Variants in LINS1 observed in about 807,000 individuals in gnomAD.
The protein encoded by LINS1 is protein Lines homolog 1.
Under a neutral mutation model 41.6 loss-of-function variants are expected in LINS1, and 27 were observed. The ratio of observed to expected loss-of-function variants is 0.65; its 90% CI spans 0.48 to 0.89. LINS1 has a LOEUF of 0.89. Among genes scored for constraint, LINS1 ranks in the 40% least tolerant of loss-of-function variants. The probability of loss-of-function intolerance (pLI) is 0.00; values close to 1 mark genes in which losing one functional copy is unlikely to be tolerated. For synonymous variants in LINS1, 336 were observed against 312.9 expected (o/e 1.07, Z -0.78); for missense variants, 955 against 884.1 (o/e 1.08, Z -1.02).
intron 5 of LINS1, chr15:100,572,503 T>A: frequency 9.5e-7 from 1 of 1,050,670 alleles, no homozygotes; most frequent in Non-Finnish European, 1.2e-6. Flanking sequence ...GTTTAAAGCA[T>A]AGAAGTACTA....
chr15:100,573,723 C>G lies in LINS1; in HGVS notation c.1150G>C (p.Ala384Pro), dbSNP rs751004318. The G allele has an allele frequency of 6.2e-7, 1 of 1,613,542 alleles. No individual in the cohort carries two copies. Among genetic ancestry groups the G allele is most frequent in the African/African-American group, 1.3e-5 (1 of 74,910 alleles). The change falls in exon 5 of 7, where the codon GCA (alanine) becomes CCA (proline). Residue 384 changes from alanine (A) to proline (P), a missense_variant. By Grantham distance (27) the Ala-to-Pro change is conservative. Coordinates refer to ENST00000314742, the MANE Select transcript of LINS1 (RefSeq NM_001040616.3). ...ITSPDHVILR[A>P]ASLVIMKSLE... is the part of the protein sequence containing the mutation. ...GATTTCATTATAACTAAGCTTGCTG[C>G]TCTAAGGATCACATGATCTGGACTA... is the stretch of plus-strand genomic sequence containing the variant.
intron 3 of LINS1, among the ~76,000 whole-genome samples, chr15:100,575,854 C>A (rs2038142910): frequency 6.6e-6 from 1 of 152,198 alleles, no homozygotes; most frequent in Admixed American, 6.5e-5. Flanking sequence ...CAAACTAGAA[C>A]TCAGGATTAA....
chr15:100,569,497 T>G lies in LINS1; in HGVS notation c.2015A>C (p.Glu672Ala). 6.2e-7 allele frequency: 1 copy of G among 1,614,212 alleles called. No individual in the cohort carries two copies. Among genetic ancestry groups the G allele is most frequent in the Non-Finnish European group, 8.5e-7 (1 of 1,180,046 alleles). The change falls in exon 7 of 7, where the codon GAA becomes GCA. Residue 672 changes from glutamate to alanine, a missense_variant. Transcript: ENST00000314742. ...CCTTGATGGAGGCTCAAGGCTAAAT[T>G]CTTTTTTATCCCTGCTTGTCCCAGC... is the stretch of plus-strand genomic sequence containing the variant. Reference protein sequence around the residue: ...DAAGTSRDKKEFSLEPPSRPL... With the variant: ...DAAGTSRDKKAFSLEPPSRPL...
At chr15:100,599,874 T>C (rs2039404943) in intron 1 of LINS1, among the ~76,000 whole-genome samples, 1 of 152,130 alleles carries the variant, frequency 6.6e-6, no homozygotes, top group African/African-American at 2.4e-5. Flanking sequence ...GAGACCAGCC[T>C]GGCCAACGTG....
chr15:100,600,872 C>A (rs2039461473), intron 1 of LINS1, among the ~76,000 whole-genome samples: 1 of 152,154 alleles, frequency 6.6e-6, no homozygotes, highest in South Asian at 2.1e-4. Context: ...AAAAACCAAT[C>A]CACTTTCCTT....
intron 1 of LINS1, among the ~76,000 whole-genome samples, chr15:100,583,968 T>A (rs2038684798): frequency 6.6e-6 from 1 of 152,124 alleles, no homozygotes; most frequent in Admixed American, 6.6e-5. Flanking sequence ...CATGTTCAAC[T>A]CTTTCAGTAA....
intron 1 of LINS1, among the ~76,000 whole-genome samples, chr15:100,592,513 C>T (rs1189818932): frequency 6.6e-6 from 1 of 151,982 alleles, no homozygotes; most frequent in Non-Finnish European, 1.5e-5. Flanking sequence ...GTGAGCACTC[C>T]ATCCTGTAGC....
At chr15:100,578,414 A>G (rs1433555391) in intron 3 of LINS1, among the ~76,000 whole-genome samples, 16 of 152,080 alleles carry the variant, frequency 1.1e-4, no homozygotes, top group Admixed American at 1.0e-3. Flanking sequence ...GCCAACAGAC[A>G]CATGAAAAAA....
chr15:100,575,057 T>C lies in LINS1; in HGVS notation c.561A>G (p.Ala187=). The C allele has an allele frequency of 6.2e-7, 1 of 1,612,752 alleles. No homozygotes were observed. The highest frequency in any genetic ancestry group is 8.5e-7 in the Non-Finnish European group (1 of 1,179,272). ...NLSEYSESNK[A]IYCLWTLTAI... The stretch of plus-strand genomic sequence containing the variant: ...CTGTAAGAGTCCAGAGGCAGTATAT[T>C]GCTTTATTACTCTCAGAGTATTCAG... Residue 187 remains alanine, a synonymous_variant, in exon 4 of 7, where the codon GCA becomes GCG. Transcript: ENST00000314742.
chr15:100,581,817 G>C (rs1016797172), intron 1 of LINS1, among the ~76,000 whole-genome samples: 2 of 152,202 alleles, frequency 1.3e-5, no homozygotes, highest in East Asian at 1.9e-4. Context: ...GGAAAAATCA[G>C]TTTTGCTTCC....
chr15:100,575,229 G>C, intron 3 of LINS1, 101 bp from the exon 4 acceptor site: 1 of 1,023,622 alleles, frequency 9.8e-7, no homozygotes, highest in Non-Finnish European at 1.5e-6. Flanking sequence ...AAAGAAGTAT[G>C]ATAATATGTG....
In LINS1 at chr15:100,568,286, G is replaced by A. The variant is rs1310243890; in HGVS notation, c.*952C>T. Reference sequence around the variant, plus strand: ...CAGAAGGAAATAGTAACTGTATTTGGTTAGTGACTCTCCTGGATTCAAGTC... The same window carrying A: ...CAGAAGGAAATAGTAACTGTATTTGATTAGTGACTCTCCTGGATTCAAGTC... On this transcript the variant is annotated 3_prime_UTR_variant, in exon 7 of 7. Transcript: ENST00000314742. The A allele has an allele frequency of 2.0e-5, 3 of 152,260 alleles. No homozygotes were observed. The highest frequency in any genetic ancestry group is 4.1e-4 in the South Asian group (2 of 4,820). 9.4% of individuals were successfully genotyped at this position (152,260 alleles called of 1,614,324 possible). A position where few individuals can be genotyped will look rare whatever the true frequency, so the allele number is the denominator to read the frequency against.
intron 1 of LINS1, among the ~76,000 whole-genome samples, chr15:100,589,404 G>A (rs866558147): frequency 7.2e-5 from 11 of 152,130 alleles, no homozygotes; most frequent in South Asian, 4.1e-4. Context: ...TACATATTTT[G>A]AATGAACTCC....
chr15:100,570,063 G>A lies in LINS1; in HGVS notation c.1449C>T (p.His483=). 1 of 1,575,994 alleles carries A rather than the reference G, an allele frequency of 6.3e-7. No homozygotes were observed. The highest frequency in any genetic ancestry group is 8.5e-7 in the Non-Finnish European group (1 of 1,169,628). The change falls in exon 7 of 7, where the codon CAC becomes CAT. Residue 483 remains histidine, a synonymous_variant. Coordinates refer to ENST00000314742, the MANE Select transcript of LINS1 (RefSeq NM_001040616.3). ...LTQGKEMWDH[H]THENGYNPHC... ...GAGGATTATAGCCATTTTCATGTGTGTGATGGTCCCACATTTCTTTTCCCT... is the reference window on the plus strand; with the variant it reads ...GAGGATTATAGCCATTTTCATGTGTATGATGGTCCCACATTTCTTTTCCCT...
chr15:100,572,115 G>T (rs770529726), intron 5 of LINS1, 50 bp from the exon 6 acceptor site: 8 of 1,605,708 alleles, frequency 5.0e-6, no homozygotes, highest in Non-Finnish European at 6.8e-6. Context: ...ATGAATGAAT[G>T]AATATCTTGC....
At chr15:100,574,474 G>A (rs909207861) in intron 4 of LINS1, among the ~76,000 whole-genome samples, 4 of 152,342 alleles carry the variant, frequency 2.6e-5, no homozygotes, top group African/African-American at 4.8e-5. Flanking sequence ...TCGGGAGGCC[G>A]ATGCGGGTGG....
At chr15:100,589,304 C>T (rs1402835294) in intron 1 of LINS1, among the ~76,000 whole-genome samples, 2 of 152,198 alleles carry the variant, frequency 1.3e-5, no homozygotes, top group Non-Finnish European at 2.9e-5. Context: ...TATAAAGCTG[C>T]TAACCCAAGT....
In LINS1 at chr15:100,587,182, A is replaced by AG. The variant is rs1555434011; in HGVS notation, c.-103-6238_-103-6237insC. Among the ~76,000 whole-genome samples the AG allele has an allele frequency of 3.6e-4, 45 of 124,446 alleles. 6 individuals are homozygous for AG. The highest frequency in any genetic ancestry group is 7.9e-4 in the Admixed American group (9 of 11,458). The allele number at this position is 124,446 out of a possible 152,430, so 81.6% of individuals were successfully genotyped here. On this transcript the variant is annotated intron_variant, in intron 1 of 6. Transcript: ENST00000314742. ...TAAAAAAAAAAAAAAAAAAAAAAAA[A>AG]CATTAGCAGTTTGGCAATTCTTTAA...
rs184322056 is a variant in LINS1, at chr15:100,583,972, T to G, written c.-103-3027A>C. ...AATTACTATCACATGTTCAACTCTTTCAGTAAAAATTTCAGCAACAAATGG... is the reference window on the plus strand; with the variant it reads ...AATTACTATCACATGTTCAACTCTTGCAGTAAAAATTTCAGCAACAAATGG... On this transcript the variant is annotated intron_variant, in intron 1 of 6. Coordinates refer to ENST00000314742, the MANE Select transcript of LINS1 (RefSeq NM_001040616.3). Among the ~76,000 whole-genome samples the G allele has an allele frequency of 2.0e-3, 302 of 152,232 alleles. 1 individual carries two copies. Among genetic ancestry groups the G allele is most frequent in the African/African-American group, 6.9e-3 (285 of 41,528 alleles).
Sources: allele counts gnomAD v4.1 joint callset (sites outside exome capture counted in the v4.1 genomes callset), GRCh38; gene constraint gnomAD v4.1.1; transcripts MANE v1.5; gene names NCBI Gene and HGNC (gene_info 2026-07-23, HGNC 2026-07-21).